The following SH3TC1 variants were observed in gnomAD, a reference collection of about 807,000 sequenced individuals.
SH3TC1 encodes SH3 domain and tetratricopeptide repeat-containing protein 1.
In SH3TC1, 135 loss-of-function variants were observed where a neutral mutation model predicts 117.3. That is an observed-to-expected ratio of 1.15 (90% CI 1.00 to 1.33). SH3TC1 has a LOEUF of 1.33. Ranked by LOEUF, SH3TC1 falls within the 40% of genes most tolerant of loss-of-function variation. The pLI is 0.00. For synonymous variants in SH3TC1, 898 were observed against 816.9 expected (o/e 1.10, Z -1.69); for missense variants, 2,092 against 1,794.3 (o/e 1.17, Z -3.00).
At position 8,219,772 on chromosome 4, in the gene SH3TC1, G is replaced by A. The variant is rs778869233; in HGVS notation, c.1112+242G>A. On this transcript the variant is annotated intron_variant, in intron 9 of 17. Coordinates refer to ENST00000245105, the MANE Select transcript of SH3TC1 (RefSeq NM_018986.5). ...TTCCCTCGAATGCACACCTGCCCAT[G>A]TGCATCATCTTTCCGTGGCTACCGT... 5.9e-5 allele frequency among the ~76,000 whole-genome samples: 9 copies of A among 152,348 alleles called. No individual in the cohort carries two copies. In the Middle Eastern group the frequency reaches 0.014, roughly 230 times the overall value.
At chr4:8,197,692 C>T (rs960783915), upstream of SH3TC1, among the ~76,000 whole-genome samples, 2 of 149,576 alleles carry the variant, frequency 1.3e-5, no homozygotes, top group African/African-American at 4.9e-5. Flanking sequence ...TTGGGCCTCA[C>T]CTGGGCCATC....
At position 8,237,448 on chromosome 4, in the gene SH3TC1, ACCTGCCCCCTTGG is replaced by A. The variant is rs757442805; in HGVS notation, c.3557-20_3557-8del. 6.8e-7 allele frequency: 1 copy of A among 1,463,156 alleles called. No individual in the cohort carries two copies. The highest frequency in any genetic ancestry group is 2.2e-5 in the Admixed American group (1 of 46,418). The allele number at this position is 1,463,156 out of a possible 1,614,324, so 90.6% of individuals were successfully genotyped here. A position where few individuals can be genotyped will look rare whatever the true frequency, so the allele number is the denominator to read the frequency against. ...CTGCCCCGGGGAGCCACGTCCTCACACCTGCCCCCTTGGCCTGCACCCCAGGGGACCGGCTGAA... is the reference window on the plus strand; with the variant it reads ...CTGCCCCGGGGAGCCACGTCCTCACACCTGCACCCCAGGGGACCGGCTGAA... On this transcript the variant is annotated splice_polypyrimidine_tract_variant and intron_variant, in intron 16 of 17. Coordinates refer to ENST00000245105, the MANE Select transcript of SH3TC1 (RefSeq NM_018986.5).
chr4:8,229,931 T>C (rs1230042088), intron 12 of SH3TC1, among the ~76,000 whole-genome samples: 4 of 148,238 alleles, frequency 2.7e-5, no homozygotes, highest in Non-Finnish European at 4.5e-5. Context: ...CACCCCGCGT[T>C]GAACAGTCGA....
intron 10 of SH3TC1, among the ~76,000 whole-genome samples, chr4:8,223,531 A>G (rs1720146310): frequency 6.6e-6 from 1 of 152,212 alleles, no homozygotes; most frequent in Admixed American, 6.5e-5. Context: ...AGTGCAACGC[A>G]TAGATGAAGT....
chr4:8,237,756 C>A, intron 17 of SH3TC1, 86 bp downstream of exon 17: 1 of 1,406,130 alleles, frequency 7.1e-7, no homozygotes. Context: ...TGTGTTCCAG[C>A]CTTCCTTAAG....
chr4:8,236,511 C>G (rs1196699403), intron 16 of SH3TC1, 83 bp downstream of exon 16: 10 of 1,405,726 alleles, frequency 7.1e-6, no homozygotes, highest in Non-Finnish European at 8.4e-6. Flanking sequence ...GGAGCCGAAA[C>G]AGCTGCCGGA....
At position 8,228,481 on chromosome 4, in the gene SH3TC1, C is replaced by G; in HGVS notation, c.2787C>G (p.Ala929=). 1 of 1,610,352 alleles carries G rather than the reference C, an allele frequency of 6.2e-7. No individual in the cohort carries two copies. The highest frequency in any genetic ancestry group is 8.5e-7 in the Non-Finnish European group (1 of 1,178,950). Reference sequence around the variant, plus strand: ...TGGCCCAGCACTACCTCCTGGAGGCCGTGCGGCTGTTCTCGAGGCTGCCCC... The same window carrying G: ...TGGCCCAGCACTACCTCCTGGAGGCGGTGCGGCTGTTCTCGAGGCTGCCCC... The part of the protein sequence containing the change: ...SRLAQHYLLE[A]VRLFSRLPLG... Residue 929 remains alanine (A), a synonymous_variant, in exon 12 of 18, where the codon GCC becomes GCG. Transcript: ENST00000245105.
chr4:8,207,283 T>A (rs1718292713), intron 2 of SH3TC1, among the ~76,000 whole-genome samples: 1 of 152,218 alleles, frequency 6.6e-6, no homozygotes, highest in African/African-American at 2.4e-5. Flanking sequence ...AAGTGATGTT[T>A]CTTCAGTGCA....
rs779069124 is a variant in SH3TC1 at position 8,240,790 on chromosome 4, G to A, written c.3846G>A (p.Arg1282=). ...NKKAQLKIYT[R]LATIYHNFLL... ...AGGCACAGCTGAAGATCTACACGCGGCTGGCCACCATCTACCACAACTTCC... is the reference window on the plus strand; with the variant it reads ...AGGCACAGCTGAAGATCTACACGCGACTGGCCACCATCTACCACAACTTCC... The change falls in exon 18 of 18, where the codon CGG becomes CGA. Residue 1282 remains arginine (R), a synonymous_variant. Coordinates refer to ENST00000245105, the MANE Select transcript of SH3TC1 (RefSeq NM_018986.5). 3 of 1,614,000 alleles carry A rather than the reference G, an allele frequency of 1.9e-6. No individual in the cohort carries two copies. The highest frequency in any genetic ancestry group is 2.5e-6 in the Non-Finnish European group (3 of 1,180,052).
chr4:8,228,130 A>T lies in SH3TC1; in HGVS notation c.2436A>T (p.Ala812=). Residue 812 remains alanine (A), a synonymous_variant, in exon 12 of 18, where the codon GCA becomes GCT. Transcript: ENST00000245105. ...HGPAITFMTQ[A]VEASAIAGVR... ...CGGCCATCACCTTCATGACGCAGGCAGTGGAAGCCAGTGCTATTGCCGGAG... is the reference window on the plus strand; with the variant it reads ...CGGCCATCACCTTCATGACGCAGGCTGTGGAAGCCAGTGCTATTGCCGGAG... The T allele has an allele frequency of 2.5e-6, 4 of 1,612,196 alleles. No homozygotes were observed. The highest frequency in any genetic ancestry group is 3.4e-6 in the Non-Finnish European group (4 of 1,179,470).
chr4:8,192,686 G>A lies in SH3TC1; in HGVS notation c.-57+10476G>A, dbSNP rs1355104723. Among the ~76,000 whole-genome samples, 1 of 151,880 alleles carries A rather than the reference G, an allele frequency of 6.6e-6. No individual in the cohort carries two copies. Among genetic ancestry groups the A allele is most frequent in the Non-Finnish European group, 1.5e-5 (1 of 67,970 alleles). On this transcript the variant is annotated intron_variant, in intron 1 of 16. Transcript: ENST00000508641. The surrounding 1 kb of genome is among the most constrained non-coding windows in gnomAD (Gnocchi z 4.1). Reference sequence around the variant, plus strand: ...TTTTTGTATTTTTAGTAGAGGTGGGGTTTCACTGTGTTGGTCAGGCTGGTC... The same window carrying A: ...TTTTTGTATTTTTAGTAGAGGTGGGATTTCACTGTGTTGGTCAGGCTGGTC...
At chr4:8,196,211 T>C (rs1277086347), upstream of SH3TC1, among the ~76,000 whole-genome samples, 2 of 152,200 alleles carry the variant, frequency 1.3e-5, no homozygotes, top group African/African-American at 4.8e-5. The surrounding 1 kb of genome is among the most constrained non-coding windows in gnomAD (Gnocchi z 4.6). Flanking sequence ...TGGCCACAGA[T>C]CTCACGTCCC....
At chr4:8,216,876 T>C (rs768833950) in intron 6 of SH3TC1, 81 bp from the exon 7 acceptor site, 5 of 1,443,802 alleles carry the variant, frequency 3.5e-6, no homozygotes, top group Non-Finnish European at 4.9e-6. Flanking sequence ...CTTCGTTGTC[T>C]GTCCGGCAGG....
chr4:8,211,978 G>A lies in SH3TC1; in HGVS notation c.248-723G>A, dbSNP rs532856828. ...GGGGACAGACAGGAGGGAGGGCCAG[G>A]TGTGGACAGCTGCCCAGGTCAGACC... On this transcript the variant is annotated intron_variant, in intron 3 of 17. Coordinates refer to ENST00000245105, the MANE Select transcript of SH3TC1 (RefSeq NM_018986.5). 1.6e-4 allele frequency among the ~76,000 whole-genome samples: 24 copies of A among 152,232 alleles called. No individual in the cohort carries two copies. The East Asian group carries it at 4.4e-3, about 28-fold the overall frequency.
intron 5 of SH3TC1, among the ~76,000 whole-genome samples, chr4:8,214,877 G>C (rs143586441): frequency 1.5e-3 from 234 of 152,222 alleles, no homozygotes; most frequent in Admixed American, 4.5e-3. Flanking sequence ...GTAGAGATGG[G>C]GTTTCACCAT....
intron 1 of SH3TC1, among the ~76,000 whole-genome samples, chr4:8,202,687 G>C (rs914570739): frequency 6.6e-6 from 1 of 152,192 alleles, no homozygotes; most frequent in Non-Finnish European, 1.5e-5. Context: ...TTGCTGGCCC[G>C]GGGCTGATCC....
intron 1 of SH3TC1, among the ~76,000 whole-genome samples, chr4:8,200,206 G>A (rs935805950): frequency 3.9e-5 from 6 of 152,238 alleles, no homozygotes; most frequent in African/African-American, 1.2e-4. Flanking sequence ...CTGCATGTGG[G>A]CCGGCCACTC....
intron 7 of SH3TC1, 73 bp from the exon 8 acceptor site, chr4:8,218,198 C>A: frequency 1.7e-6 from 2 of 1,199,384 alleles, no homozygotes; most frequent in Non-Finnish European, 2.4e-6. Context: ...GCTGGCCTGT[C>A]CAGTCTCTGC....
Position 8,233,357 on chromosome 4 carries a change from T to A in SH3TC1, c.3132-6T>A, listed in dbSNP as rs1394577410. On this transcript the variant is annotated splice_region_variant and splice_polypyrimidine_tract_variant and intron_variant, in intron 13 of 17. Transcript: ENST00000245105. The stretch of plus-strand genomic sequence containing the variant: ...CCCTTGTTCTGACACCTGTGTCTGA[T>A]ACCAGGGCCTACAAATCCGCACTGG... 14 of 1,602,972 alleles carry A rather than the reference T, an allele frequency of 8.7e-6. No individual in the cohort carries two copies. The highest frequency in any genetic ancestry group is 1.2e-5 in the Non-Finnish European group (14 of 1,174,204).
Sources: allele counts gnomAD v4.1 joint callset (sites outside exome capture counted in the v4.1 genomes callset), GRCh38; gene constraint gnomAD v4.1.1; non-coding constraint Gnocchi (gnomAD v3.1); transcripts MANE v1.5; gene names NCBI Gene and HGNC (gene_info 2026-07-23, HGNC 2026-07-21).